Variants in NAALADL2 observed in about 807,000 individuals in gnomAD.
NAALADL2 encodes the protein N-acetylated alpha-linked acidic dipeptidase like 2, also known as inactive N-acetylated-alpha-linked acidic dipeptidase-like protein 2.
In NAALADL2, 76 loss-of-function variants were observed where a neutral mutation model predicts 87.2. That is an observed-to-expected ratio of 0.87 (90% CI 0.72 to 1.05). The LOEUF (loss-of-function observed/expected upper bound fraction) is 1.05, where lower values mean the gene tolerates loss of function less well. Ranked by LOEUF, NAALADL2 falls within the 50% of genes least tolerant of loss-of-function variation. The probability of loss-of-function intolerance (pLI) is 0.00; values close to 1 mark genes in which losing one functional copy is unlikely to be tolerated. For missense variants in NAALADL2, 1,089 were observed against 945.8 expected (o/e 1.15, Z -1.99); for synonymous variants, 354 against 331.0 (o/e 1.07, Z -0.75).
chr3:174,861,284 G>T (rs1182965305), intron 1 of NAALADL2, among the ~76,000 whole-genome samples: 2 of 152,002 alleles, frequency 1.3e-5, no homozygotes, highest in Non-Finnish European at 1.5e-5. Flanking sequence ...TCAAGTGAGG[G>T]TTAAAAAGAA....
chr3:175,305,435 C>G (rs906394948), intron 4 of NAALADL2, among the ~76,000 whole-genome samples: 40 of 152,062 alleles, frequency 2.6e-4, no homozygotes, highest in African/African-American at 9.2e-4. Flanking sequence ...TTTATGAATT[C>G]TATCATGAAT....
At chr3:174,496,447 TG>T (rs1275051108) in intron 1 of NAALADL2, among the ~76,000 whole-genome samples, 1 of 150,992 alleles carries the variant, frequency 6.6e-6, no homozygotes, top group African/African-American at 2.4e-5. Context: ...GTTAAAGATA[TG>T]TATTCATTGA....
At chr3:174,873,219 G>C (rs913242729) in intron 1 of NAALADL2, among the ~76,000 whole-genome samples, 180 of 138,090 alleles carry the variant, frequency 1.3e-3, no homozygotes, top group Non-Finnish European at 1.5e-3. Flanking sequence ...CTCTCTCTCT[G>C]TGTACATGTC....
intron 1 of NAALADL2, among the ~76,000 whole-genome samples, chr3:174,486,302 A>G (rs73052607): frequency 0.16 from 23,573 of 152,034 alleles, 3,147 homozygotes; most frequent in East Asian, 0.48. Context: ...TTTCAAAATC[A>G]TTCCTTTTCT....
chr3:174,677,757 T>C (rs1264860083), intron 2 of NAALADL2, among the ~76,000 whole-genome samples: 2 of 152,042 alleles, frequency 1.3e-5, no homozygotes, highest in East Asian at 3.8e-4. Context: ...CATGCCTGAA[T>C]GAAGCTTATC....
At chr3:174,772,889 C>T (rs1026964300) in intron 3 of NAALADL2, among the ~76,000 whole-genome samples, 3 of 152,098 alleles carry the variant, frequency 2.0e-5, no homozygotes, top group African/African-American at 4.8e-5. Context: ...ATGTTGTGCA[C>T]TCTAGAGAGT....
chr3:175,696,806 C>A (rs1445634745), intron 11 of NAALADL2, among the ~76,000 whole-genome samples: 1 of 152,084 alleles, frequency 6.6e-6, no homozygotes, highest in East Asian at 1.9e-4. Flanking sequence ...AAGAACATGG[C>A]ACCAATGTCT....
At chr3:175,512,960 G>T (rs1731355074) in intron 9 of NAALADL2, among the ~76,000 whole-genome samples, 1 of 152,086 alleles carries the variant, frequency 6.6e-6, no homozygotes, top group Non-Finnish European at 1.5e-5. Flanking sequence ...TTCCCTGTTT[G>T]CATTGCAGAG....
chr3:175,463,573 AC>A, intron 7 of NAALADL2, 80 bp downstream of exon 7: 1 of 745,272 alleles, frequency 1.3e-6, no homozygotes, highest in Non-Finnish European at 2.1e-6. Flanking sequence ...TTAATATTAT[AC>A]TTAAATATCC....
At chr3:175,616,904 G>A (rs1043107052) in intron 10 of NAALADL2, among the ~76,000 whole-genome samples, 4 of 152,116 alleles carry the variant, frequency 2.6e-5, no homozygotes, top group African/African-American at 7.2e-5. Context: ...CCCTAAGGTA[G>A]ATCTGGATCA....
At chr3:175,549,900 G>T (rs1401116855) in intron 9 of NAALADL2, among the ~76,000 whole-genome samples, 2 of 151,920 alleles carry the variant, frequency 1.3e-5, no homozygotes, top group African/African-American at 4.8e-5. Flanking sequence ...AATTTTATTT[G>T]ATTTTAATAT....
chr3:175,305,220 C>G (rs1046233192), intron 4 of NAALADL2, among the ~76,000 whole-genome samples: 11 of 150,562 alleles, frequency 7.3e-5, no homozygotes, highest in African/African-American at 2.7e-4. Context: ...TTGTAAAATG[C>G]TTACATGGTG....
At chr3:174,526,498 T>G (rs1042460689) in intron 1 of NAALADL2, among the ~76,000 whole-genome samples, 3 of 152,202 alleles carry the variant, frequency 2.0e-5, no homozygotes, top group Non-Finnish European at 4.4e-5. Flanking sequence ...CTTTACATAT[T>G]GCCTGGCATA....
At chr3:174,920,968 T>C (rs1185201606) in intron 1 of NAALADL2, among the ~76,000 whole-genome samples, 1 of 152,206 alleles carries the variant, frequency 6.6e-6, no homozygotes, top group South Asian at 2.1e-4. Context: ...ATTTGTCTAT[T>C]AAGTTTGCCA....
intron 2 of NAALADL2, among the ~76,000 whole-genome samples, chr3:174,702,775 A>G (rs149954672): frequency 3.4e-4 from 51 of 152,158 alleles, no homozygotes; most frequent in African/African-American, 1.1e-3. Context: ...TTATGAGACC[A>G]CTCTTGTATA....
At chr3:175,397,829 G>A (rs1293831069) in intron 5 of NAALADL2, among the ~76,000 whole-genome samples, 1 of 152,108 alleles carries the variant, frequency 6.6e-6, no homozygotes, top group Non-Finnish European at 1.5e-5. Flanking sequence ...CTTGAGAGAA[G>A]TGATGCATTA....
At chr3:175,800,249 C>T (rs1263071075) in intron 13 of NAALADL2, among the ~76,000 whole-genome samples, 1 of 151,550 alleles carries the variant, frequency 6.6e-6, no homozygotes, top group Non-Finnish European at 1.5e-5. Context: ...AGCTTCTACA[C>T]TCCACAAGAC....
At chr3:174,878,868 T>C (rs758608613) in intron 1 of NAALADL2, among the ~76,000 whole-genome samples, 10 of 152,034 alleles carry the variant, frequency 6.6e-5, no homozygotes, top group Non-Finnish European at 1.0e-4. Context: ...AAAACAATAA[T>C]AAAAAGAATG....
intron 1 of NAALADL2, among the ~76,000 whole-genome samples, chr3:175,014,038 G>T (rs986785429): frequency 6.6e-6 from 1 of 152,080 alleles, no homozygotes; most frequent in South Asian, 2.1e-4. Flanking sequence ...CATTTGCCAG[G>T]GGTGCTATTA....
Sources: allele counts gnomAD v4.1 joint callset (sites outside exome capture counted in the v4.1 genomes callset), GRCh38; gene constraint gnomAD v4.1.1; transcripts MANE v1.5; gene names NCBI Gene and HGNC (gene_info 2026-07-23, HGNC 2026-07-21).